ST6GALNAC3: variants seen among roughly 807,000 people sequenced by gnomAD.
The protein encoded by ST6GALNAC3 is ST6 N-acetylgalactosaminide alpha-2,6-sialyltransferase 3.
Under a neutral mutation model 32.7 loss-of-function variants are expected in ST6GALNAC3, and 25 were observed. The ratio of observed to expected loss-of-function variants is 0.76; its 90% confidence interval spans 0.56 to 1.07. ST6GALNAC3 has a LOEUF of 1.07. ST6GALNAC3 is among the 50% of genes least tolerant of loss of function. ST6GALNAC3 has a pLI of 0.00. For missense variants in ST6GALNAC3, 355 were observed against 382.4 expected (o/e 0.93, Z 0.60); for synonymous variants, 129 against 133.1 (o/e 0.97, Z 0.21).
At chr1:76,297,953 A>C (rs1182408647) in intron 1 of ST6GALNAC3, among the ~76,000 whole-genome samples, 2 of 152,012 alleles carry the variant, frequency 1.3e-5, no homozygotes, top group Non-Finnish European at 2.9e-5. Flanking sequence ...AGGGTTGTAC[A>C]AAAACTTAAG....
At chr1:76,308,205 T>C (rs1008927706) in intron 1 of ST6GALNAC3, among the ~76,000 whole-genome samples, 3 of 152,240 alleles carry the variant, frequency 2.0e-5, no homozygotes. Flanking sequence ...TTCTTATGCA[T>C]TTCATATGGT....
At chr1:76,428,381 C>CA (rs1240695028) in intron 3 of ST6GALNAC3, among the ~76,000 whole-genome samples, 2 of 151,934 alleles carry the variant, frequency 1.3e-5, no homozygotes, top group African/African-American at 2.4e-5. Flanking sequence ...CTTAAGGTCA[C>CA]AAAAAATGAG....
intron 1 of ST6GALNAC3, among the ~76,000 whole-genome samples, chr1:76,117,320 T>C (rs890745750): frequency 9.9e-5 from 15 of 152,170 alleles, no homozygotes; most frequent in African/African-American, 3.6e-4. Flanking sequence ...TTCCCAAGAA[T>C]GTAAATGTGA....
intron 1 of ST6GALNAC3, among the ~76,000 whole-genome samples, chr1:76,290,059 T>C (rs955287623): frequency 7.9e-5 from 12 of 152,238 alleles, no homozygotes; most frequent in Non-Finnish European, 1.5e-4. Context: ...CTTTCTCTTT[T>C]GAAATAGTTT....
intron 3 of ST6GALNAC3, among the ~76,000 whole-genome samples, chr1:76,554,166 T>G (rs1664787830): frequency 6.6e-6 from 1 of 152,190 alleles, no homozygotes; most frequent in South Asian, 2.1e-4. Context: ...GTTATCTCCT[T>G]GATTAACTAT....
At chr1:76,232,189 A>C (rs1482152203) in intron 1 of ST6GALNAC3, among the ~76,000 whole-genome samples, 3 of 152,236 alleles carry the variant, frequency 2.0e-5, no homozygotes, top group African/African-American at 7.2e-5. Context: ...GGACAGAAAG[A>C]AACATCAGTA....
At chr1:76,540,213 G>C (rs1663903944) in intron 3 of ST6GALNAC3, among the ~76,000 whole-genome samples, 1 of 152,094 alleles carries the variant, frequency 6.6e-6, no homozygotes, top group African/African-American at 2.4e-5. Context: ...GCAGGGACAT[G>C]GATGAAGCTG....
chr1:76,121,512 C>G (rs1209509696), intron 1 of ST6GALNAC3, among the ~76,000 whole-genome samples: 1 of 152,112 alleles, frequency 6.6e-6, no homozygotes, highest in Non-Finnish European at 1.5e-5. Flanking sequence ...ATCAGGAGAT[C>G]AAGACCATCC....
intron 1 of ST6GALNAC3, among the ~76,000 whole-genome samples, chr1:76,170,322 A>C (rs983735002): frequency 1.4e-4 from 22 of 151,808 alleles, no homozygotes; most frequent in African/African-American, 5.3e-4. Context: ...CTGTTGGGGG[A>C]GCTCCTGCTG....
At chr1:76,123,666 T>C (rs1328963718) in intron 1 of ST6GALNAC3, among the ~76,000 whole-genome samples, 1 of 151,852 alleles carries the variant, frequency 6.6e-6, no homozygotes, top group African/African-American at 2.4e-5. Flanking sequence ...CTTTCACCTA[T>C]CGAATACTGA....
intron 3 of ST6GALNAC3, among the ~76,000 whole-genome samples, chr1:76,606,635 G>C (rs979312374): frequency 1.3e-5 from 2 of 151,750 alleles, no homozygotes; most frequent in African/African-American, 4.8e-5. Context: ...CCTAGGTGAT[G>C]GGTTAGTAGG....
intron 2 of ST6GALNAC3, among the ~76,000 whole-genome samples, chr1:76,391,075 G>A (rs1213027694): frequency 6.6e-6 from 1 of 151,296 alleles, no homozygotes; most frequent in African/African-American, 2.4e-5. Context: ...GAGTAGCTGG[G>A]ACTACGGGCG....
At chr1:76,084,529 T>A (rs1336331571) in intron 1 of ST6GALNAC3, among the ~76,000 whole-genome samples, 1 of 152,204 alleles carries the variant, frequency 6.6e-6, no homozygotes, top group Non-Finnish European at 1.5e-5. Context: ...AGGAGGGTAT[T>A]ACACATATGG....
intron 3 of ST6GALNAC3, among the ~76,000 whole-genome samples, chr1:76,423,243 A>T (rs1226078790): frequency 6.6e-6 from 1 of 151,972 alleles, no homozygotes; most frequent in Non-Finnish European, 1.5e-5. Flanking sequence ...TGGGTGAGGT[A>T]GTTATCTAGG....
intron 2 of ST6GALNAC3, among the ~76,000 whole-genome samples, chr1:76,351,253 A>G (rs1460459606): frequency 6.6e-6 from 1 of 152,206 alleles, no homozygotes; most frequent in Admixed American, 6.5e-5. Flanking sequence ...TATGTAGCAT[A>G]GTCATTTTTT....
chr1:76,414,913 T>C (rs1654511203), intron 3 of ST6GALNAC3, among the ~76,000 whole-genome samples: 2 of 152,078 alleles, frequency 1.3e-5, no homozygotes, highest in Non-Finnish European at 2.9e-5. Flanking sequence ...ATATTTTTCA[T>C]AGTTTGTTTT....
intron 1 of ST6GALNAC3, among the ~76,000 whole-genome samples, chr1:76,289,905 G>T (rs896540457): frequency 1.6e-4 from 24 of 152,172 alleles, no homozygotes; most frequent in African/African-American, 5.3e-4. Context: ...AGGAGGGAAT[G>T]AGTTGCTTTG....
chr1:76,525,790 T>TATATATATATATATATAC, intron 3 of ST6GALNAC3, among the ~76,000 whole-genome samples: 6 of 80,666 alleles, frequency 7.4e-5, no homozygotes, highest in Non-Finnish European at 1.5e-4. Context: ...TGTGTGTGTG[T>TATATATATATATATATAC]GTATATATAT....
At chr1:76,138,811 G>A (rs1030241144) in intron 1 of ST6GALNAC3, among the ~76,000 whole-genome samples, 2 of 152,088 alleles carry the variant, frequency 1.3e-5, no homozygotes, top group Non-Finnish European at 2.9e-5. Flanking sequence ...TGGGATAGAT[G>A]CATAGCTTTG....
Sources: allele counts gnomAD v4.1 joint callset (sites outside exome capture counted in the v4.1 genomes callset), GRCh38; gene constraint gnomAD v4.1.1; transcripts MANE v1.5; gene names NCBI Gene and HGNC (gene_info 2026-07-23, HGNC 2026-07-21).